The following BTBD9 variants were observed in gnomAD, a reference collection of about 807,000 sequenced individuals.
BTBD9 encodes the protein BTB/POZ domain-containing protein 9.
BTBD9 carries 49 observed loss-of-function variants against 64.3 expected under a neutral mutation model. The observed-to-expected ratio is 0.76, with a 90% confidence interval of 0.61 to 0.97. The LOEUF (loss-of-function observed/expected upper bound fraction) is 0.97. Ranked by LOEUF, BTBD9 falls within the 50% of genes least tolerant of loss-of-function variation. The pLI, the probability that BTBD9 is intolerant of heterozygous loss-of-function variation, is 0.00. For synonymous variants in BTBD9, 260 were observed against 274.7 expected (o/e 0.95, Z 0.53); for missense variants, 598 against 762.1 (o/e 0.78, Z 2.53).
chr6:38,305,556 C>T (rs1762596320), intron 7 of BTBD9, among the ~76,000 whole-genome samples: 1 of 152,214 alleles, frequency 6.6e-6, no homozygotes. Flanking sequence ...GGTCTCAACT[C>T]ACTACAACCT....
In BTBD9 at chr6:38,275,078, C is replaced by T. The variant is rs1238114712; in HGVS notation, c.1454+13194G>A. Reference sequence around the variant, plus strand: ...CAAAAGAACAAAGTCGGAGGCATCACGCTACCTGACTTCAAACTATACTAC... The same window carrying T: ...CAAAAGAACAAAGTCGGAGGCATCATGCTACCTGACTTCAAACTATACTAC... On this transcript the variant is annotated intron_variant, in intron 8 of 10. Coordinates refer to ENST00000481247, the MANE Select transcript of BTBD9 (RefSeq NM_001099272.2). 9.2e-5 allele frequency among the ~76,000 whole-genome samples: 14 copies of T among 152,176 alleles called. No homozygotes were observed. The East Asian group carries it at 9.6e-4, about 10-fold the overall frequency.
At chr6:38,412,477 T>C (rs753269737) in intron 6 of BTBD9, among the ~76,000 whole-genome samples, 1 of 151,324 alleles carries the variant, frequency 6.6e-6, no homozygotes, top group Non-Finnish European at 1.5e-5. Flanking sequence ...GGGTAGGAAC[T>C]GGGGACATTT....
intron 1 of BTBD9, among the ~76,000 whole-genome samples, chr6:38,605,499 T>G (rs1301548333): frequency 6.6e-6 from 1 of 152,188 alleles, no homozygotes; most frequent in Admixed American, 6.5e-5. Context: ...TGTCCTTACT[T>G]GTGCATGGGA....
At chr6:38,197,200 C>T (rs1023247687) in intron 9 of BTBD9, among the ~76,000 whole-genome samples, 3 of 152,166 alleles carry the variant, frequency 2.0e-5, no homozygotes, top group Non-Finnish European at 4.4e-5. Context: ...TGGTTCCCAA[C>T]ACAATCTTTT....
intron 1 of BTBD9, among the ~76,000 whole-genome samples, chr6:38,628,278 G>A (rs1463939489): frequency 6.6e-6 from 1 of 152,136 alleles, no homozygotes; most frequent in Non-Finnish European, 1.5e-5. Flanking sequence ...TAGTTCAAAT[G>A]AATAACATAA....
intron 6 of BTBD9, among the ~76,000 whole-genome samples, chr6:38,428,794 ACT>A (rs1562172837): frequency 6.7e-6 from 1 of 150,206 alleles, no homozygotes; most frequent in East Asian, 2.0e-4. Flanking sequence ...CTCACTGCAA[ACT>A]CTGCCTCCCG....
At chr6:38,213,476 T>C (rs1762903447) in intron 9 of BTBD9, among the ~76,000 whole-genome samples, 1 of 152,138 alleles carries the variant, frequency 6.6e-6, no homozygotes, top group South Asian at 2.1e-4. Context: ...CTGGAATCTC[T>C]GAATATGAGT....
intron 1 of BTBD9, among the ~76,000 whole-genome samples, chr6:38,614,522 T>G (rs919248308): frequency 1.3e-5 from 2 of 152,196 alleles, no homozygotes; most frequent in African/African-American, 4.8e-5. Flanking sequence ...CTGCCCACTT[T>G]ACATTTGCAC....
chr6:38,599,462 C>G (rs928672887), intron 1 of BTBD9, among the ~76,000 whole-genome samples: 1 of 152,148 alleles, frequency 6.6e-6, no homozygotes, highest in African/African-American at 2.4e-5. Flanking sequence ...ATTGCAGGTA[C>G]TGCTTTGATA....
chr6:38,253,659 C>T (rs1582118018), intron 9 of BTBD9, among the ~76,000 whole-genome samples: 1 of 152,322 alleles, frequency 6.6e-6, no homozygotes, highest in East Asian at 1.9e-4. Flanking sequence ...TGAGGAAGTA[C>T]AAGGTCTGGT....
chr6:38,456,362 T>C (rs1229069369), intron 6 of BTBD9, among the ~76,000 whole-genome samples: 1 of 152,244 alleles, frequency 6.6e-6, no homozygotes, highest in East Asian at 1.9e-4. Flanking sequence ...CGATTTCACT[T>C]GTCTAAGGAG....
chr6:38,227,350 T>A (rs183808920), intron 9 of BTBD9, among the ~76,000 whole-genome samples: 1 of 152,228 alleles, frequency 6.6e-6, no homozygotes, highest in African/African-American at 2.4e-5. Context: ...TACATTCTTC[T>A]ATATGCTGGT....
At chr6:38,467,500 A>C (rs533873427) in intron 6 of BTBD9, among the ~76,000 whole-genome samples, 2 of 152,236 alleles carry the variant, frequency 1.3e-5, no homozygotes, top group Non-Finnish European at 2.9e-5. Context: ...AGTTGAACTC[A>C]GGTCACAGAA....
Position 38,288,372 on chromosome 6 carries a change from T to C in BTBD9, c.1354A>G (p.Thr452Ala), listed in dbSNP as rs1188231709. ...RSRNALLNGD[T>A]KNYDWDSGYT... ...CCAGAATCCCAGTCATAATTCTTAG[T>C]GTCCCCATTCAGCAAGGCATTTCGG... Residue 452 changes from threonine to alanine, a missense_variant, in exon 8 of 11, where the codon ACT becomes GCT. Coordinates refer to ENST00000481247, the MANE Select transcript of BTBD9 (RefSeq NM_001099272.2). 6.2e-7 allele frequency: 1 copy of C among 1,614,176 alleles called. No individual in the cohort carries two copies. Among genetic ancestry groups the C allele is most frequent in the Non-Finnish European group, 8.5e-7 (1 of 1,180,032 alleles).
At chr6:38,469,733 T>C (rs1770557323) in intron 6 of BTBD9, among the ~76,000 whole-genome samples, 1 of 152,186 alleles carries the variant, frequency 6.6e-6, no homozygotes, top group Non-Finnish European at 1.5e-5. Context: ...GTCTGAGTAG[T>C]TTTAATTTGA....
At chr6:38,487,244 T>A (rs1771480978) in intron 6 of BTBD9, among the ~76,000 whole-genome samples, 1 of 152,190 alleles carries the variant, frequency 6.6e-6, no homozygotes, top group Non-Finnish European at 1.5e-5. Context: ...TTATCTCCTG[T>A]CATTCTGAAG....
intron 9 of BTBD9, among the ~76,000 whole-genome samples, chr6:38,212,654 G>C (rs1020173726): frequency 1.3e-5 from 2 of 152,174 alleles, no homozygotes; most frequent in East Asian, 3.8e-4. Flanking sequence ...GTGAGGGGAG[G>C]GAGAAAATTC....
intron 9 of BTBD9, among the ~76,000 whole-genome samples, chr6:38,210,495 T>C (rs976010496): frequency 1.8e-4 from 28 of 152,046 alleles, no homozygotes; most frequent in Non-Finnish European, 4.1e-4. Context: ...TGTCTCTGTA[T>C]TCATGTTTGT....
At chr6:38,517,715 C>T (rs915520261) in intron 6 of BTBD9, among the ~76,000 whole-genome samples, 2 of 151,774 alleles carry the variant, frequency 1.3e-5, no homozygotes, top group East Asian at 1.9e-4. Context: ...CTCCTTGCAA[C>T]CCTTTCAGAA....
Sources: allele counts gnomAD v4.1 joint callset (sites outside exome capture counted in the v4.1 genomes callset), GRCh38; gene constraint gnomAD v4.1.1; transcripts MANE v1.5; gene names NCBI Gene and HGNC (gene_info 2026-07-23, HGNC 2026-07-21).